DBT: variants seen among roughly 807,000 people sequenced by gnomAD.
DBT encodes the protein dihydrolipoamide branched chain transacylase E2, also known as lipoamide acyltransferase component of branched-chain alpha-keto acid dehydrogenase complex, mitochondrial.
In DBT, 40 loss-of-function variants were observed where a neutral mutation model predicts 51.3. The ratio of observed to expected loss-of-function variants is 0.78; its 90% CI spans 0.61 to 1.02. The LOEUF (loss-of-function observed/expected upper bound fraction) is 1.02, where lower values mean the gene tolerates loss of function less well. Ranked by LOEUF, DBT falls within the 50% of genes least tolerant of loss-of-function variation. The pLI is 0.00. For missense variants in DBT, 510 were observed against 580.2 expected, an observed-to-expected ratio of 0.88 and a Z score of 1.24; for synonymous variants, 181 against 190.4, an observed-to-expected ratio of 0.95 and a Z score of 0.41.
chr1:100,218,579 T>G (rs1234269750), intron 5 of DBT, 47 bp downstream of exon 5: 2 of 1,608,756 alleles, frequency 1.2e-6, no homozygotes, highest in Admixed American at 1.7e-5. Context: ...GAGATACAAA[T>G]GTACACTTCC....
At chr1:100,204,935 C>T (rs1194738440) in intron 10 of DBT, among the ~76,000 whole-genome samples, 10 of 152,216 alleles carry the variant, frequency 6.6e-5, no homozygotes, top group Non-Finnish European at 1.2e-4. Context: ...CCCTTCCTTA[C>T]ACCTTATACA....
At chr1:100,237,280 T>A (rs530581031) in intron 2 of DBT, among the ~76,000 whole-genome samples, 65 of 152,262 alleles carry the variant, frequency 4.3e-4, no homozygotes, top group Middle Eastern at 3.4e-3. Flanking sequence ...GTCAGACACA[T>A]GAGTGAGACC....
chr1:100,247,697 CA>C (rs59843533), intron 1 of DBT, among the ~76,000 whole-genome samples: 23,829 of 107,422 alleles, frequency 0.22, 2,780 homozygotes, highest in African/African-American at 0.4. Context: ...AGACTCTTCT[CA>C]AAAAAAAAAA....
chr1:100,215,717 G>A lies in DBT; in HGVS notation c.772+266C>T, dbSNP rs1039951819. On this transcript the variant is annotated intron_variant, in intron 6 of 10. Transcript: ENST00000370132. ...TGCACCTGTAATCCCAGATACTCAGGAGGCTGAGGCAGGAGAATTGCTTGA... is the reference window on the plus strand; with the variant it reads ...TGCACCTGTAATCCCAGATACTCAGAAGGCTGAGGCAGGAGAATTGCTTGA... 3.3e-5 allele frequency among the ~76,000 whole-genome samples: 5 copies of A among 152,168 alleles called. No homozygotes were observed. In the South Asian group the frequency reaches 1.0e-3, roughly 32 times the overall value.
At chr1:100,201,794 C>T (rs1397357550) in intron 10 of DBT, among the ~76,000 whole-genome samples, 1 of 152,104 alleles carries the variant, frequency 6.6e-6, no homozygotes, top group Admixed American at 6.5e-5. Flanking sequence ...AATTTCATAT[C>T]CAGCTAAACT....
intron 4 of DBT, among the ~76,000 whole-genome samples, chr1:100,222,993 T>C (rs1570825936): frequency 6.6e-6 from 1 of 152,214 alleles, no homozygotes; most frequent in South Asian, 2.1e-4. Context: ...CTTGGTTATA[T>C]GTCTTCTCAG....
intron 1 of DBT, among the ~76,000 whole-genome samples, chr1:100,246,083 G>A (rs1362089385): frequency 2.0e-5 from 3 of 152,136 alleles, no homozygotes; most frequent in Admixed American, 1.3e-4. Context: ...CCAACACAGC[G>A]AAACCCCGTC....
intron 1 of DBT, among the ~76,000 whole-genome samples, chr1:100,242,168 A>G (rs1664261578): frequency 6.6e-6 from 1 of 152,198 alleles, no homozygotes; most frequent in Non-Finnish European, 1.5e-5. Flanking sequence ...AATACTGATA[A>G]GTGAAACTTT....
chr1:100,232,596 A>G (rs1663610745), intron 3 of DBT, among the ~76,000 whole-genome samples: 1 of 151,928 alleles, frequency 6.6e-6, no homozygotes, highest in South Asian at 2.1e-4. Context: ...GTGGAATGAT[A>G]ATTATTTGTT....
chr1:100,228,596 A>C (rs1663351683), intron 4 of DBT, among the ~76,000 whole-genome samples: 1 of 151,966 alleles, frequency 6.6e-6, no homozygotes, highest in African/African-American at 2.4e-5. Flanking sequence ...CCATCTCTAT[A>C]AAAAAATACA....
At position 100,206,144 on chromosome 1, in the gene DBT, G is replaced by C. The variant is rs1356404602; in HGVS notation, c.1281+86C>G. 4.5e-6 allele frequency: 4 copies of C among 885,256 alleles called. No individual in the cohort carries two copies. In the African/African-American group the frequency reaches 6.7e-5, roughly 15 times the overall value. The allele number at this position is 885,256 out of a possible 1,614,324, so 54.8% of individuals were successfully genotyped here. A position where few individuals can be genotyped will look rare whatever the true frequency, so the allele number is the denominator to read the frequency against. On this transcript the variant is annotated intron_variant, in intron 10 of 10. Transcript: ENST00000370132. ...AGAAACTTAAAACCTACAAAAGGAG[G>C]GGAAACCTTAGAAATGGTTACTCTT...
At chr1:100,201,663 G>A (rs1003753111) in intron 10 of DBT, among the ~76,000 whole-genome samples, 1 of 152,124 alleles carries the variant, frequency 6.6e-6, no homozygotes, top group African/African-American at 2.4e-5. Context: ...GACAAAGGTC[G>A]GGTTACCCAC....
chr1:100,206,679 G>A (rs746878641), intron 8 of DBT, 43 bp from the exon 9 acceptor site: 2 of 1,132,856 alleles, frequency 1.8e-6, no homozygotes, highest in Non-Finnish European at 2.7e-6. Flanking sequence ...TAATGAATAA[G>A]CTAACAGCAA....
At chr1:100,206,151 C>G (rs1285648219) in intron 10 of DBT, 79 bp downstream of exon 10, 11 of 951,068 alleles carry the variant, frequency 1.2e-5, no homozygotes, top group Admixed American at 1.9e-5. Context: ...GAGGGGAAAC[C>G]TTAGAAATGG....
rs1410431336 is a variant in DBT at position 100,196,426 on chromosome 1, G to C, written c.1282-4C>G. 92 of 555,306 alleles carry C rather than the reference G, an allele frequency of 1.7e-4. No individual in the cohort carries two copies. Among genetic ancestry groups the C allele is most frequent in the Middle Eastern group, 1.3e-3 (2 of 1,520 alleles). The allele number at this position is 555,306 out of a possible 1,614,324, so 34.4% of individuals were successfully genotyped here. ...TCTGGTTAAATCGGGGAATGGCCTA[G>C]AAATGAAAAAAAAAAAAAAAAAAAA... On this transcript the variant is annotated splice_region_variant and splice_polypyrimidine_tract_variant and intron_variant, in intron 10 of 10. Transcript: ENST00000370132.
At chr1:100,203,057 C>G (rs1446374755) in intron 10 of DBT, among the ~76,000 whole-genome samples, 4 of 152,066 alleles carry the variant, frequency 2.6e-5, no homozygotes, top group African/African-American at 9.7e-5. Context: ...CAAGAGCAAA[C>G]ACGTTCAAAA....
Position 100,230,817 on chromosome 1 carries a change from C to T in DBT, c.349G>A (p.Val117Ile). 2 of 1,606,986 alleles carry T rather than the reference C, an allele frequency of 1.2e-6. No individual in the cohort carries two copies. The highest frequency in any genetic ancestry group is 1.7e-6 in the Non-Finnish European group (2 of 1,173,758). Residue 117 changes from valine to isoleucine, a missense_variant, in exon 4 of 11, where the codon GTC (valine) becomes ATC (isoleucine). Val to Ile is a conservative substitution (Grantham distance 29). Transcript: ENST00000370132. ...SVTITSRYDG[V>I]IKKLYYNLDD... is the part of the protein sequence containing the mutation. ...AGATTATAATAGAGTTTTTTAATGA[C>T]TCCATCATAACGACTAGTGATGGTA...
Position 100,192,229 on chromosome 1 carries a change from G to C in DBT, c.*4026C>G, listed in dbSNP as rs1378777113. On this transcript the variant is annotated 3_prime_UTR_variant, in exon 11 of 11. Transcript: ENST00000370132. Reference sequence around the variant, plus strand: ...TTGGGAATATAGCTCAACTCTAAAAGCACTGCTCTTCTCTAGGTTATTGGC... The same window carrying C: ...TTGGGAATATAGCTCAACTCTAAAACCACTGCTCTTCTCTAGGTTATTGGC... The C allele has an allele frequency of 6.6e-6, 1 of 152,182 alleles. No individual in the cohort carries two copies. Among genetic ancestry groups the C allele is most frequent in the East Asian group, 1.9e-4 (1 of 5,188 alleles). 9.4% of individuals were successfully genotyped at this position (152,182 alleles called of 1,614,324 possible).
At chr1:100,229,885 T>C (rs1663440997) in intron 4 of DBT, among the ~76,000 whole-genome samples, 1 of 152,254 alleles carries the variant, frequency 6.6e-6, no homozygotes, top group Non-Finnish European at 1.5e-5. Flanking sequence ...AACATTCTCA[T>C]GATGAATTCC....
Sources: gnomAD v4.1 joint callset for allele counts (sites outside exome capture counted in the v4.1 genomes callset) on GRCh38, gnomAD v4.1.1 for gene constraint, MANE v1.5 for transcripts, NCBI Gene and HGNC (gene_info 2026-07-23, HGNC 2026-07-21) for gene names.